The following UPRT variants were observed in gnomAD, a reference collection of about 807,000 sequenced individuals.
UPRT encodes RP11-311P8.3.
UPRT carries 5 observed loss-of-function variants against 22.6 expected under a neutral mutation model. That is an observed-to-expected ratio of 0.22 (90% confidence interval 0.12 to 0.47). UPRT has a LOEUF of 0.47. UPRT is among the 20% of genes least tolerant of loss of function. The pLI, the probability that UPRT is intolerant of heterozygous loss-of-function variation, is 0.99. For synonymous variants in UPRT, 77 were observed against 87.7 expected (o/e 0.88, Z 0.68); for missense variants, 181 against 239.9 (o/e 0.75, Z 1.62).
intron 1 of UPRT, among the ~76,000 whole-genome samples, chrX:75,285,817 G>T (rs1473490104): frequency 9.2e-6 from 1 of 108,616 alleles, no homozygotes; most frequent in African/African-American, 3.4e-5. Context: ...TTGATGCCTT[G>T]CACCTGGCAA....
chrX:75,266,765 A>C (rs1269641958), intron 4 of UPRT, among the ~76,000 whole-genome samples: 17 of 111,547 alleles, frequency 1.5e-4, no homozygotes, highest in Non-Finnish European at 7.5e-5. Context: ...ACCCCATCAA[A>C]AAGTGGGTGA....
intron 4 of UPRT, among the ~76,000 whole-genome samples, chrX:75,234,053 G>T (rs1432377482): frequency 9.0e-6 from 1 of 110,609 alleles, no homozygotes; most frequent in African/African-American, 3.3e-5. Flanking sequence ...CTCACGTGCA[G>T]AGACACACAT....
At chrX:75,205,184 C>A (rs1292252856) in intron 4 of UPRT, among the ~76,000 whole-genome samples, 3 of 107,851 alleles carry the variant, frequency 2.8e-5, no homozygotes, top group Non-Finnish European at 5.8e-5. Flanking sequence ...TCCTGGCTAA[C>A]AAGGTGAAAC....
At chrX:75,249,546 C>T (rs1232913598) in intron 4 of UPRT, among the ~76,000 whole-genome samples, 1 of 111,131 alleles carries the variant, frequency 9.0e-6, no homozygotes, top group Non-Finnish European at 1.9e-5. Context: ...ACAGGAGCAC[C>T]CAGATTCATA....
At chrX:75,281,179 T>A (rs143718530) in intron 1 of UPRT, among the ~76,000 whole-genome samples, 262 of 110,656 alleles carry the variant, frequency 2.4e-3, no homozygotes, top group Middle Eastern at 4.7e-3. Flanking sequence ...GCCTTTAGGG[T>A]TTTCAAGGTA....
chrX:75,188,614 C>T (rs1472242444), intron 4 of UPRT, among the ~76,000 whole-genome samples: 2 of 112,478 alleles, frequency 1.8e-5, no homozygotes, highest in Non-Finnish European at 3.8e-5. Context: ...GGGCGCCCCT[C>T]CCCGAGCCTC....
intron 4 of UPRT, among the ~76,000 whole-genome samples, chrX:75,188,393 G>A (rs921764451): frequency 1.8e-5 from 2 of 112,117 alleles, no homozygotes; most frequent in Non-Finnish European, 3.8e-5. Flanking sequence ...CAGATCTCCA[G>A]CTGTGTGCTG....
chrX:75,174,542 CGTT>C (rs1346718260), intron 4 of UPRT, among the ~76,000 whole-genome samples: 2 of 111,691 alleles, frequency 1.8e-5, no homozygotes, highest in Admixed American at 1.9e-4. Context: ...ATTTGAAAGG[CGTT>C]GTCTGATTTC....
chrX:75,198,617 G>A, intron 4 of UPRT, among the ~76,000 whole-genome samples: 1 of 111,670 alleles, frequency 9.0e-6, no homozygotes. Flanking sequence ...TATTAGAACT[G>A]GTAGCACTTT....
intron 4 of UPRT, among the ~76,000 whole-genome samples, chrX:75,189,143 A>G (rs980369757): frequency 3.6e-5 from 4 of 112,012 alleles, no homozygotes; most frequent in East Asian, 2.8e-4. Context: ...CCCTCTACAC[A>G]TTGCTTTAAA....
At chrX:75,285,076 T>C (rs1398808153) in intron 1 of UPRT, among the ~76,000 whole-genome samples, 10 of 110,255 alleles carry the variant, frequency 9.1e-5, no homozygotes, top group Admixed American at 7.7e-4. Context: ...GTCAGGGAAG[T>C]GGGGGAAAGC....
chrX:75,250,212 G>A (rs181294881), intron 4 of UPRT, among the ~76,000 whole-genome samples: 2 of 110,470 alleles, frequency 1.8e-5, no homozygotes, highest in African/African-American at 6.6e-5. Flanking sequence ...ACTAAGATCA[G>A]AGCAGAACTG....
intron 4 of UPRT, among the ~76,000 whole-genome samples, chrX:75,193,290 C>T (rs1259982184): frequency 1.8e-5 from 2 of 112,055 alleles, no homozygotes; most frequent in Admixed American, 1.9e-4. Flanking sequence ...GAATATAGAC[C>T]ACCAATCTCT....
intron 4 of UPRT, among the ~76,000 whole-genome samples, chrX:75,245,232 T>G (rs1193865595): frequency 9.7e-6 from 1 of 103,573 alleles, no homozygotes; most frequent in Admixed American, 1.0e-4. Flanking sequence ...TGGGATACCA[T>G]GTCACACTAG....
rs749630248 is a variant in UPRT at position 75,165,513 on chromosome X, C to A, written c.-521+2288C>A. ...TTATTTAATTGAAACTAAGAAGAAT[C>A]CACAGGGATTACAATTCTCCAATGT... is the stretch of plus-strand genomic sequence containing the variant. On this transcript the variant is annotated intron_variant, in intron 3 of 13. Coordinates refer to the UPRT transcript ENST00000652605. Among the ~76,000 whole-genome samples, 3 of 111,065 alleles carry A rather than the reference C, an allele frequency of 2.7e-5. No individual in the cohort carries two copies. In the South Asian group the frequency reaches 1.1e-3, roughly 42 times the overall value.
chrX:75,266,511 A>T (rs2082588995), intron 4 of UPRT, among the ~76,000 whole-genome samples: 1 of 111,752 alleles, frequency 8.9e-6, no homozygotes, highest in African/African-American at 3.3e-5. Context: ...AGGCAATACC[A>T]TTCAGGACAT....
chrX:75,236,938 G>A (rs1413361773), intron 4 of UPRT, among the ~76,000 whole-genome samples: 3 of 112,213 alleles, frequency 2.7e-5, no homozygotes, highest in African/African-American at 3.2e-5. Context: ...AAAAGCCAAA[G>A]TTGACAAATG....
At chrX:75,164,730 A>T (rs1345932219) in intron 3 of UPRT, among the ~76,000 whole-genome samples, 3 of 111,593 alleles carry the variant, frequency 2.7e-5, no homozygotes, top group Non-Finnish European at 3.8e-5. Flanking sequence ...AAAACTATTG[A>T]ATCATACACT....
chrX:75,180,695 G>GTTTTTTTTTT (rs61040746), intron 4 of UPRT, among the ~76,000 whole-genome samples: 3 of 34,658 alleles, frequency 8.7e-5, no homozygotes, highest in African/African-American at 3.8e-4. Flanking sequence ...TTTTTTTTTT[G>GTTTTTTTTTT]TTTTTTTTTT....
Sources: allele counts gnomAD v4.1 joint callset (sites outside exome capture counted in the v4.1 genomes callset), GRCh38; gene constraint gnomAD v4.1.1; transcripts MANE v1.5; gene names NCBI Gene and HGNC (gene_info 2026-07-23, HGNC 2026-07-21).